SPTBN1: variants seen among roughly 807,000 people sequenced by gnomAD.
SPTBN1 encodes the protein spectrin beta, non-erythrocytic 1, also known as spectrin beta chain, non-erythrocytic 1.
Under a neutral mutation model 266.4 loss-of-function variants are expected in SPTBN1, and 32 were observed. The observed-to-expected ratio is 0.12, with a 90% CI of 0.09 to 0.16. The LOEUF (loss-of-function observed/expected upper bound fraction) is 0.16, where lower values mean the gene tolerates loss of function less well. Ranked by LOEUF, SPTBN1 falls within the 10% of genes least tolerant of loss-of-function variation. The probability of loss-of-function intolerance (pLI) is 1.00; values close to 1 mark genes in which losing one functional copy is unlikely to be tolerated. For synonymous variants in SPTBN1, 1,336 were observed against 1,162.2 expected (o/e 1.15, Z -3.04); for missense variants, 2,296 against 3,067.1 (o/e 0.75, Z 5.94).
At chr2:54,603,825 TAA>T (rs1399964741) in intron 3 of SPTBN1, among the ~76,000 whole-genome samples, 1 of 152,160 alleles carries the variant, frequency 6.6e-6, no homozygotes, top group Non-Finnish European at 1.5e-5. Context: ...AATCTATGTT[TAA>T]TTAAAAGAAA....
At chr2:54,668,223 G>A (rs543721950) in intron 35 of SPTBN1, 128 bp from the exon 36 acceptor site, 1 of 796,528 alleles carries the variant, frequency 1.3e-6, no homozygotes. Context: ...GGTGCATTTG[G>A]GGACAGTGCC....
intron 2 of SPTBN1, among the ~76,000 whole-genome samples, chr2:54,578,537 A>T (rs952981005): frequency 6.6e-6 from 1 of 152,098 alleles, no homozygotes; most frequent in Non-Finnish European, 1.5e-5. Flanking sequence ...CCACCTTTTG[A>T]GTTTCCCCAT....
rs1261920208 is a variant in SPTBN1, at chr2:54,665,966, C to T, written c.6711C>T (p.Tyr2237=). The T allele has an allele frequency of 1.9e-6, 3 of 1,614,024 alleles. No homozygotes were observed. ...TAAATAACCAAGAAATGGGTTTCTA[C>T]AAAGATGCAAAGACTGCTGCTTCTG... The part of the protein sequence containing the change: ...CVINNQEMGF[Y]KDAKTAASGI... Residue 2237 remains tyrosine (Y), a synonymous_variant, in exon 34 of 36, where the codon TAC becomes TAT. Transcript: ENST00000356805.
chr2:54,521,801 G>C (rs1393347593), intron 1 of SPTBN1, among the ~76,000 whole-genome samples: 2 of 152,232 alleles, frequency 1.3e-5, no homozygotes, highest in Non-Finnish European at 2.9e-5. Context: ...TGAGATTACA[G>C]GTGTGAGCCA....
chr2:54,621,335 TC>T (rs935823345), intron 7 of SPTBN1, 64 bp from the exon 8 acceptor site: 18 of 1,222,882 alleles, frequency 1.5e-5, no homozygotes, highest in African/African-American at 4.5e-5. Context: ...TTGCATTTGT[TC>T]CTGCTACCTG....
intron 1 of SPTBN1, among the ~76,000 whole-genome samples, chr2:54,500,274 A>C (rs1275213376): frequency 6.6e-6 from 1 of 152,214 alleles, no homozygotes; most frequent in African/African-American, 2.4e-5. Flanking sequence ...AATACAACAA[A>C]ATTTTAGAGA....
rs1249973001 is a variant in SPTBN1, at chr2:54,645,493, C to T, written c.4494+40C>T. 1.3e-6 allele frequency: 2 copies of T among 1,596,526 alleles called. No individual in the cohort carries two copies. Among genetic ancestry groups the T allele is most frequent in the East Asian group, 2.2e-5 (1 of 44,518 alleles). ...ACTGCACACATGGCTTTTCCACGAG[C>T]CCCCTTGCCTGTGCTAAAGCCCACA... On this transcript the variant is annotated intron_variant, in intron 21 of 35. Transcript: ENST00000356805. The surrounding 1 kb of genome is among the most constrained non-coding windows in gnomAD (Gnocchi z 4.3).
intron 26 of SPTBN1, among the ~76,000 whole-genome samples, chr2:54,650,851 A>C (rs919833789): frequency 6.6e-6 from 1 of 152,232 alleles, no homozygotes; most frequent in African/African-American, 2.4e-5. Context: ...GGCCACCCAG[A>C]TATGGCCTTG....
intron 2 of SPTBN1, among the ~76,000 whole-genome samples, chr2:54,589,265 T>C (rs771895886): frequency 2.0e-5 from 3 of 152,196 alleles, no homozygotes; most frequent in Non-Finnish European, 2.9e-5. Context: ...ATTGTGACTT[T>C]ATGCGGCTCA....
chr2:54,462,666 A>G (rs1693424732), intron 1 of SPTBN1, among the ~76,000 whole-genome samples: 2 of 152,236 alleles, frequency 1.3e-5, no homozygotes, highest in East Asian at 1.9e-4. Context: ...ACTCTAGTAT[A>G]TGGAATATAT....
At chr2:54,621,623 G>T in intron 8 of SPTBN1, 111 bp downstream of exon 8, 1 of 735,452 alleles carries the variant, frequency 1.4e-6, no homozygotes, top group Admixed American at 2.2e-5. Context: ...TGGACTCTCC[G>T]GATGGTAGGG....
rs748435918 is a variant in SPTBN1 at position 54,664,426 on chromosome 2, G to A, written c.6421-27G>A. 3.3e-5 allele frequency: 52 copies of A among 1,598,984 alleles called. No homozygotes were observed. Among genetic ancestry groups the A allele is most frequent in the Middle Eastern group, 3.3e-4 (2 of 6,016 alleles). The stretch of plus-strand genomic sequence containing the variant: ...GTCACCCCCATGGCTCACGGAGTTA[G>A]CTGAATGGCCTCTCCGCTGTCCCTA... On this transcript the variant is annotated intron_variant, in intron 32 of 35. Coordinates refer to ENST00000356805, the MANE Select transcript of SPTBN1 (RefSeq NM_003128.3). This position sits in a 1 kb window ranked among gnomAD's most constrained non-coding sequence, Gnocchi z 5.6.
intron 2 of SPTBN1, among the ~76,000 whole-genome samples, chr2:54,577,700 C>G (rs909044256): frequency 6.6e-5 from 10 of 152,174 alleles, no homozygotes; most frequent in Admixed American, 3.9e-4. Context: ...GAAGCTGTGC[C>G]CAAGGACACT....
At chr2:54,481,315 A>G (rs751665326) in intron 1 of SPTBN1, among the ~76,000 whole-genome samples, 10 of 151,772 alleles carry the variant, frequency 6.6e-5, no homozygotes, top group Non-Finnish European at 1.0e-4. Flanking sequence ...TTGGAACTCT[A>G]TCAGCAGTCA....
In SPTBN1 at chr2:54,649,958, T is replaced by C. The variant is rs1181731851; in HGVS notation, c.5546T>C (p.Phe1849Ser). 6.2e-7 allele frequency: 1 copy of C among 1,612,532 alleles called. No individual in the cohort carries two copies. Among genetic ancestry groups the C allele is most frequent in the Non-Finnish European group, 8.5e-7 (1 of 1,179,156 alleles). Residue 1849 changes from phenylalanine to serine, a missense_variant, in exon 26 of 36, where the codon TTT (phenylalanine) becomes TCT (serine). Transcript: ENST00000356805. This position sits in a 1 kb window ranked among gnomAD's most constrained non-coding sequence, Gnocchi z 6.7. ...ACCTTACAGAGAATGCACACTACATTTGAGCATGACATCCAGGCTCTGGGC... is the reference window on the plus strand; with the variant it reads ...ACCTTACAGAGAATGCACACTACATCTGAGCATGACATCCAGGCTCTGGGC... ...VETLQRMHTT[F>S]EHDIQALGTQ... is the part of the protein sequence containing the mutation.
In SPTBN1 at chr2:54,665,900, T is replaced by C. The variant is rs202027101; in HGVS notation, c.6660-15T>C. The C allele has an allele frequency of 6.3e-7, 1 of 1,599,136 alleles. No individual in the cohort carries two copies. The highest frequency in any genetic ancestry group is 8.5e-7 in the Non-Finnish European group (1 of 1,174,782). ...AGCCTTTATCTCCCCCTGCCCTTTT[T>C]TTTAAACTGCACAGGTCCTGGCACA... On this transcript the variant is annotated splice_polypyrimidine_tract_variant and intron_variant, in intron 33 of 35. Transcript: ENST00000356805.
At chr2:54,548,808 C>T (rs184542698) in intron 2 of SPTBN1, among the ~76,000 whole-genome samples, 38 of 152,278 alleles carry the variant, frequency 2.5e-4, no homozygotes, top group Non-Finnish European at 4.7e-4. Context: ...TTTCAGCTAT[C>T]ATCTTCTGAC....
rs970689228 is a variant in SPTBN1, at chr2:54,671,113, T to C, written c.*2544T>C. ...TCTGAAGAGTAAGAAGTAGTGAAAA[T>C]AAGGCTTAGGATATGAAATGGCGTT... On this transcript the variant is annotated 3_prime_UTR_variant, in exon 36 of 36. Coordinates refer to ENST00000356805, the MANE Select transcript of SPTBN1 (RefSeq NM_003128.3). 103 of 271,486 alleles carry C rather than the reference T, an allele frequency of 3.8e-4. No individual in the cohort carries two copies. Among genetic ancestry groups the C allele is most frequent in the South Asian group, 5.1e-4 (3 of 5,928 alleles). 16.8% of individuals were successfully genotyped at this position (271,486 alleles called of 1,614,324 possible).
At chr2:54,496,971 A>G (rs577652011) in intron 1 of SPTBN1, among the ~76,000 whole-genome samples, 2 of 152,348 alleles carry the variant, frequency 1.3e-5, no homozygotes, top group South Asian at 2.1e-4. Flanking sequence ...TGGTACATCC[A>G]TATTGTAGAA....
Sources: allele counts gnomAD v4.1 joint callset (sites outside exome capture counted in the v4.1 genomes callset), GRCh38; gene constraint gnomAD v4.1.1; non-coding constraint Gnocchi (gnomAD v3.1); transcripts MANE v1.5; gene names NCBI Gene and HGNC (gene_info 2026-07-23, HGNC 2026-07-21).